The following CACNB4 variants were observed in gnomAD, a reference collection of about 807,000 sequenced individuals.
CACNB4 encodes calcium voltage-gated channel auxiliary subunit beta 4, also known as voltage-dependent L-type calcium channel subunit beta-4.
A neutral mutation model predicts 71.2 loss-of-function variants in CACNB4; 32 were observed. The observed-to-expected ratio is 0.45, with a 90% confidence interval of 0.34 to 0.60. CACNB4 has a LOEUF of 0.60. Among genes scored for constraint, CACNB4 ranks in the 20% least tolerant of loss-of-function variants. The probability of loss-of-function intolerance (pLI) is 0.01; values close to 1 mark genes in which losing one functional copy is unlikely to be tolerated. For missense variants in CACNB4, 464 were observed against 647.9 expected, an observed-to-expected ratio of 0.72 and a Z score of 3.08; for synonymous variants, 231 against 236.9, an observed-to-expected ratio of 0.97 and a Z score of 0.23.
chr2:151,843,177 C>A (rs1004581014), intron 12 of CACNB4, among the ~76,000 whole-genome samples: 44 of 152,210 alleles, frequency 2.9e-4, no homozygotes, highest in Non-Finnish European at 3.7e-4. Context: ...GGTGGCCCCC[C>A]TGTCATTGCA....
intron 2 of CACNB4, among the ~76,000 whole-genome samples, chr2:151,886,368 C>A (rs1273236550): frequency 6.6e-6 from 1 of 152,188 alleles, no homozygotes; most frequent in Non-Finnish European, 1.5e-5. Flanking sequence ...AGTCAAGCAG[C>A]TGAATACACA....
At chr2:151,866,672 T>A (rs1292926256) in intron 9 of CACNB4, 1 of 152,232 alleles carries the variant, frequency 6.6e-6, no homozygotes, top group East Asian at 1.9e-4. Context: ...CTCCTTATTG[T>A]TCATTCTGCT....
At chr2:151,907,363 A>G (rs2099855081) in intron 2 of CACNB4, among the ~76,000 whole-genome samples, 1 of 152,208 alleles carries the variant, frequency 6.6e-6, no homozygotes, top group South Asian at 2.1e-4. Flanking sequence ...AAATTACTGG[A>G]AAGAAAAAAT....
chr2:151,860,616 T>C, intron 10 of CACNB4, 95 bp downstream of exon 10: 1 of 855,494 alleles, frequency 1.2e-6, no homozygotes. Flanking sequence ...CCGTTCAGAA[T>C]GGGGAACAAA....
rs1348160332 is a variant in CACNB4 at position 151,838,170 on chromosome 2, G to C, written c.*949C>G. 1 of 152,530 alleles carries C rather than the reference G, an allele frequency of 6.6e-6. No homozygotes were observed. Among genetic ancestry groups the C allele is most frequent in the South Asian group, 2.1e-4 (1 of 4,830 alleles). The allele number at this position is 152,530 out of a possible 1,614,324, so 9.4% of individuals were successfully genotyped here. On this transcript the variant is annotated 3_prime_UTR_variant, in exon 14 of 14. Transcript: ENST00000539935. ...GAAGTGTTTAGCATTGCACTCGGGA[G>C]GATTGGTACCACATCCTTACTATCT... is the stretch of plus-strand genomic sequence containing the variant.
chr2:151,840,603 G>A (rs1226006133), intron 13 of CACNB4, among the ~76,000 whole-genome samples: 3 of 152,146 alleles, frequency 2.0e-5, no homozygotes, highest in African/African-American at 4.8e-5. Context: ...TAATGCATGC[G>A]TATGTGCTGT....
At chr2:151,964,023 C>T (rs1237529440) in intron 2 of CACNB4, among the ~76,000 whole-genome samples, 3 of 136,138 alleles carry the variant, frequency 2.2e-5, no homozygotes, top group Non-Finnish European at 4.6e-5. Flanking sequence ...GAGCCAAGAT[C>T]GTGCCACTGC....
At chr2:151,982,430 T>A (rs150433082) in intron 2 of CACNB4, among the ~76,000 whole-genome samples, 3 of 151,850 alleles carry the variant, frequency 2.0e-5, no homozygotes, top group African/African-American at 7.3e-5. Context: ...TCAGGAGATT[T>A]AGACCATCCT....
rs375317776 is a variant in CACNB4 at position 151,995,680 on chromosome 2, G to A, written c.147+102650C>T. 7.2e-5 allele frequency among the ~76,000 whole-genome samples: 11 copies of A among 152,346 alleles called. No individual in the cohort carries two copies. The South Asian group carries it at 2.3e-3, about 32-fold the overall frequency. The stretch of plus-strand genomic sequence containing the variant: ...GCCAAGATCACGCCACTGCACCCCA[G>A]CCTGGGTGACAAAGCGAGACTCCGT... On this transcript the variant is annotated intron_variant, in intron 2 of 13. Coordinates refer to ENST00000539935, the MANE Select transcript of CACNB4 (RefSeq NM_000726.5).
intron 2 of CACNB4, among the ~76,000 whole-genome samples, chr2:152,091,527 T>A (rs936893961): frequency 6.6e-6 from 1 of 152,068 alleles, no homozygotes; most frequent in Non-Finnish European, 1.5e-5. Flanking sequence ...CCCAGCTACT[T>A]GGGAGGCTGA....
chr2:151,865,784 C>CTTTCTTT (rs139662383), intron 9 of CACNB4: 2 of 144,152 alleles, frequency 1.4e-5, no homozygotes, highest in Non-Finnish European at 3.0e-5. Context: ...TTCTTTCTTT[C>CTTTCTTT]TTTTTTTTTT....
At chr2:151,931,859 C>T (rs1346754188) in intron 2 of CACNB4, among the ~76,000 whole-genome samples, 1 of 152,064 alleles carries the variant, frequency 6.6e-6, no homozygotes, top group Non-Finnish European at 1.5e-5. Flanking sequence ...AAGTTAACGA[C>T]TAAAAAACTA....
intron 2 of CACNB4, among the ~76,000 whole-genome samples, chr2:152,074,300 C>T (rs919853250): frequency 3.3e-5 from 5 of 151,814 alleles, no homozygotes; most frequent in Non-Finnish European, 5.9e-5. Flanking sequence ...CCACCATCAC[C>T]GCTTTACCAC....
intron 2 of CACNB4, chr2:151,973,978 T>C: frequency 8.3e-7 from 1 of 1,203,836 alleles, no homozygotes; most frequent in East Asian, 3.8e-5. Context: ...GACTGGTGAC[T>C]GAGCTAGGAA....
chr2:151,845,680 C>A (rs973359545), intron 12 of CACNB4, among the ~76,000 whole-genome samples: 1 of 152,152 alleles, frequency 6.6e-6, no homozygotes, highest in Admixed American at 6.5e-5. Flanking sequence ...GAACAGTTAC[C>A]CACTCGGTGA....
chr2:151,993,721 C>T lies in CACNB4; in HGVS notation c.147+104609G>A, dbSNP rs745953137. Among the ~76,000 whole-genome samples the T allele has an allele frequency of 2.6e-5, 4 of 151,942 alleles. No homozygotes were observed. In the East Asian group the frequency reaches 5.9e-4, roughly 22 times the overall value. The stretch of plus-strand genomic sequence containing the variant: ...CTGGGAGTACAGGTGTGTGCCACCA[C>T]GCCGGGCTAATTTTTGTATTTTCAG... On this transcript the variant is annotated intron_variant, in intron 2 of 13. Coordinates refer to ENST00000539935, the MANE Select transcript of CACNB4 (RefSeq NM_000726.5).
At chr2:152,057,000 T>C (rs1325200223) in intron 2 of CACNB4, among the ~76,000 whole-genome samples, 1 of 152,128 alleles carries the variant, frequency 6.6e-6, no homozygotes, top group Non-Finnish European at 1.5e-5. Context: ...TTCCTAGTCA[T>C]GTACAATCCT....
At chr2:151,924,320 T>C (rs930393232) in intron 2 of CACNB4, among the ~76,000 whole-genome samples, 46 of 151,890 alleles carry the variant, frequency 3.0e-4, no homozygotes, top group Middle Eastern at 3.4e-3. Context: ...CCTCGTGATC[T>C]GCCCGCCTCG....
chr2:152,068,778 T>C (rs1034005008), intron 2 of CACNB4, among the ~76,000 whole-genome samples: 1 of 152,110 alleles, frequency 6.6e-6, no homozygotes, highest in Non-Finnish European at 1.5e-5. Flanking sequence ...TCCACACCTA[T>C]GTTTTCTGGA....
Sources: gnomAD v4.1 joint callset for allele counts (sites outside exome capture counted in the v4.1 genomes callset) on GRCh38, gnomAD v4.1.1 for gene constraint, MANE v1.5 for transcripts, NCBI Gene and HGNC (gene_info 2026-07-23, HGNC 2026-07-21) for gene names.